The following RFX3 variants were observed in gnomAD, a reference collection of about 807,000 sequenced individuals.
RFX3 encodes the protein transcription factor RFX3.
In RFX3, 14 loss-of-function variants were observed where a neutral mutation model predicts 98.6. The ratio of observed to expected loss-of-function variants is 0.14; its 90% CI spans 0.09 to 0.22. The LOEUF (loss-of-function observed/expected upper bound fraction) is 0.22, where lower values mean the gene tolerates loss of function less well. Ranked by LOEUF, RFX3 falls within the 10% of genes least tolerant of loss-of-function variation. The pLI is 1.00. For missense variants in RFX3, 639 were observed against 926.9 expected, an observed-to-expected ratio of 0.69 and a Z score of 4.03; for synonymous variants, 383 against 328.4, an observed-to-expected ratio of 1.17 and a Z score of -1.80.
At chr9:3,309,442 T>G (rs1024861030) in intron 4 of RFX3, among the ~76,000 whole-genome samples, 4 of 152,086 alleles carry the variant, frequency 2.6e-5, no homozygotes. Flanking sequence ...AATGCTGCCT[T>G]GTTGGAATGA....
At chr9:3,390,624 G>C (rs1021974650) in intron 2 of RFX3, among the ~76,000 whole-genome samples, 1 of 152,072 alleles carries the variant, frequency 6.6e-6, no homozygotes, top group African/African-American at 2.4e-5. Context: ...TGACTCATGA[G>C]GGCAGGTCTT....
chr9:3,330,144 T>A, intron 4 of RFX3, 115 bp downstream of exon 4: 1 of 1,050,510 alleles, frequency 9.5e-7, no homozygotes, highest in Non-Finnish European at 1.4e-6. Flanking sequence ...ACTAAAACTA[T>A]CCAACACATT....
chr9:3,324,878 C>A (rs578178507), intron 4 of RFX3, among the ~76,000 whole-genome samples: 1 of 151,944 alleles, frequency 6.6e-6, no homozygotes, highest in African/African-American at 2.4e-5. Flanking sequence ...GTGGGAGAAT[C>A]GCTTGAACAC....
chr9:3,499,648 C>T (rs986235422), intron 1 of RFX3, among the ~76,000 whole-genome samples: 1 of 152,044 alleles, frequency 6.6e-6, no homozygotes, highest in Non-Finnish European at 1.5e-5. Context: ...GGGACAGCTT[C>T]TGATTCCTTT....
chr9:3,450,442 T>TG (rs1846484426), intron 1 of RFX3, among the ~76,000 whole-genome samples: 1 of 152,090 alleles, frequency 6.6e-6, no homozygotes, highest in South Asian at 2.1e-4. Flanking sequence ...CCCAATCCTC[T>TG]GTTCAATACA....
intron 1 of RFX3, among the ~76,000 whole-genome samples, chr9:3,456,748 G>A (rs960691611): frequency 6.6e-6 from 1 of 151,812 alleles, no homozygotes; most frequent in Non-Finnish European, 1.5e-5. Flanking sequence ...ACCTACATGG[G>A]GAAAAAAAAG....
At chr9:3,380,775 G>A (rs1235400648) in intron 2 of RFX3, among the ~76,000 whole-genome samples, 1 of 152,120 alleles carries the variant, frequency 6.6e-6, no homozygotes, top group Non-Finnish European at 1.5e-5. Flanking sequence ...TATTTTCCAC[G>A]TGAAATAAAT....
intron 1 of RFX3, among the ~76,000 whole-genome samples, chr9:3,497,289 A>G (rs1438607340): frequency 1.3e-5 from 2 of 152,052 alleles, no homozygotes; most frequent in African/African-American, 4.8e-5. Context: ...AATATCTTGA[A>G]GGTAACAAGT....
intron 1 of RFX3, among the ~76,000 whole-genome samples, chr9:3,474,069 T>G (rs1849005988): frequency 6.6e-6 from 1 of 152,186 alleles, no homozygotes; most frequent in South Asian, 2.1e-4. Flanking sequence ...CCCATGATGC[T>G]GAGGCTGCTG....
intron 1 of RFX3, among the ~76,000 whole-genome samples, chr9:3,494,695 C>A (rs1054372017): frequency 5.9e-5 from 9 of 152,096 alleles, no homozygotes; most frequent in Non-Finnish European, 1.0e-4. Flanking sequence ...ATAAAATAAT[C>A]TAAATTTTCC....
chr9:3,521,076 A>G (rs1308469058), intron 1 of RFX3, among the ~76,000 whole-genome samples: 1 of 152,220 alleles, frequency 6.6e-6, no homozygotes, highest in African/African-American at 2.4e-5. Context: ...AGATTATACA[A>G]TAAAAAGCAT....
intron 4 of RFX3, among the ~76,000 whole-genome samples, chr9:3,318,297 T>C (rs529306398): frequency 2.0e-4 from 30 of 152,104 alleles, no homozygotes; most frequent in Non-Finnish European, 4.3e-4. Flanking sequence ...CCACATGTTC[T>C]CACTCATAGG....
chr9:3,260,923 T>C (rs1256288406), intron 13 of RFX3, among the ~76,000 whole-genome samples: 2 of 150,776 alleles, frequency 1.3e-5, no homozygotes, highest in Admixed American at 6.6e-5. Context: ...TCTATATATA[T>C]ATATATCTCA....
At chr9:3,247,221 T>C (rs905558893) in intron 15 of RFX3, 4 of 982,016 alleles carry the variant, frequency 4.1e-6, no homozygotes, top group Admixed American at 1.3e-4. Flanking sequence ...ATCTGAGCAT[T>C]TGCATCTATT....
chr9:3,352,665 T>C (rs1020263733), intron 2 of RFX3, among the ~76,000 whole-genome samples: 3 of 151,974 alleles, frequency 2.0e-5, no homozygotes, highest in African/African-American at 4.8e-5. Context: ...ATGAAACAAA[T>C]AGAAAACTTG....
chr9:3,283,530 A>G (rs1294570641), intron 7 of RFX3, among the ~76,000 whole-genome samples: 3 of 151,654 alleles, frequency 2.0e-5, no homozygotes, highest in Non-Finnish European at 4.4e-5. Context: ...TAGTCTATGA[A>G]CCCTATATTA....
At chr9:3,292,081 A>AAAAT (rs1827447041) in intron 6 of RFX3, among the ~76,000 whole-genome samples, 1 of 143,852 alleles carries the variant, frequency 7.0e-6, no homozygotes, top group African/African-American at 2.5e-5. Context: ...AAAAAAAAAA[A>AAAAT]AAAAAAAAAA....
chr9:3,365,527 T>G (rs1446413736), intron 2 of RFX3, among the ~76,000 whole-genome samples: 1 of 152,066 alleles, frequency 6.6e-6, no homozygotes, highest in Non-Finnish European at 1.5e-5. Context: ...ACTATTCATC[T>G]AAATCCCTGA....
chr9:3,479,364 G>A (rs184762784), intron 1 of RFX3, among the ~76,000 whole-genome samples: 6 of 151,732 alleles, frequency 4.0e-5, no homozygotes. Flanking sequence ...TAATTTTCAG[G>A]ACAAAAAGAT....
Sources: allele counts gnomAD v4.1 joint callset (sites outside exome capture counted in the v4.1 genomes callset), GRCh38; gene constraint gnomAD v4.1.1; transcripts MANE v1.5; gene names NCBI Gene and HGNC (gene_info 2026-07-23, HGNC 2026-07-21).